Variants in MFHAS1 observed in about 807,000 individuals in gnomAD.
MFHAS1 encodes the protein malignant fibrous histiocytoma-amplified sequence 1.
A neutral mutation model predicts 70.4 loss-of-function variants in MFHAS1; 50 were observed. The ratio of observed to expected loss-of-function variants is 0.71; its 90% CI spans 0.57 to 0.90. The LOEUF is 0.90. Ranked by LOEUF, MFHAS1 falls within the 40% of genes least tolerant of loss-of-function variation. The pLI, the probability that MFHAS1 is intolerant of heterozygous loss-of-function variation, is 0.00. For missense variants in MFHAS1, 1,795 were observed against 1,347.6 expected (o/e 1.33, Z -5.20); for synonymous variants, 952 against 620.0 (o/e 1.54, Z -7.96).
At chr8:8,790,501 C>A (rs1256290255) in intron 2 of MFHAS1, 2 of 398,396 alleles carry the variant, frequency 5.0e-6, no homozygotes, top group Non-Finnish European at 6.8e-6. Flanking sequence ...TAAAGAAACA[C>A]AATTCCTCCT....
chr8:8,828,886 G>C (rs574002209), intron 1 of MFHAS1, among the ~76,000 whole-genome samples: 1 of 152,124 alleles, frequency 6.6e-6, no homozygotes, highest in Non-Finnish European at 1.5e-5. Context: ...CTCTTATCCC[G>C]CCCCTAGCTC....
At position 8,787,131 on chromosome 8, in the gene MFHAS1, A is replaced by T. The variant is rs189344035; in HGVS notation, c.3126-1076T>A. On this transcript the variant is annotated intron_variant, in intron 2 of 2. Coordinates refer to ENST00000276282, the MANE Select transcript of MFHAS1 (RefSeq NM_004225.3). ...AGTCTCGCTCTGTTGCCCAGGCTGG[A>T]GTGCAGTGGCGCAATCTCGGCTCAC... 3.0e-4 allele frequency among the ~76,000 whole-genome samples: 45 copies of T among 149,822 alleles called. No homozygotes were observed. The East Asian group carries it at 8.6e-3, about 29-fold the overall frequency.
At chr8:8,823,674 T>C (rs1045971600) in intron 1 of MFHAS1, among the ~76,000 whole-genome samples, 1 of 150,650 alleles carries the variant, frequency 6.6e-6, no homozygotes, top group Admixed American at 6.7e-5. Flanking sequence ...AGGCCACCAC[T>C]TCCCTAATTC....
chr8:8,847,800 T>A (rs1022307691), intron 1 of MFHAS1, among the ~76,000 whole-genome samples: 10 of 152,322 alleles, frequency 6.6e-5, no homozygotes, highest in East Asian at 1.9e-4. Context: ...AGACAGCAGG[T>A]GTTTAAAGTC....
At position 8,891,297 on chromosome 8, in the gene MFHAS1, A is replaced by G. The variant is rs181981017; in HGVS notation, c.1762T>C (p.Ser588Pro). 1 of 1,611,580 alleles carries G rather than the reference A, an allele frequency of 6.2e-7. No individual in the cohort carries two copies. The highest frequency in any genetic ancestry group is 1.7e-5 in the Admixed American group (1 of 60,024). Residue 588 changes from serine (S) to proline (P), a missense_variant, in exon 1 of 3, where the codon TCT (serine) becomes CCT (proline). By Grantham distance (74) the Ser-to-Pro change is moderately conservative (BLOSUM62 -1). Coordinates refer to ENST00000276282, the MANE Select transcript of MFHAS1 (RefSeq NM_004225.3). This position sits in a 1 kb window ranked among gnomAD's most constrained non-coding sequence, Gnocchi z 5.4. ...EALARDFELR[S>P]ASPHAAYYGV... is the part of the protein sequence containing the mutation. ...TAGTAGGCTGCGTGGGGGCTGGCAG[A>G]GCGCAGCTCGAAGTCCCGGGCCAGT...
chr8:8,816,794 A>G (rs117207044), intron 1 of MFHAS1, among the ~76,000 whole-genome samples: 4 of 152,350 alleles, frequency 2.6e-5, no homozygotes, highest in Non-Finnish European at 5.9e-5. Flanking sequence ...AAGGAGTAGC[A>G]ATAACATGGA....
At chr8:8,819,801 C>T (rs1048208950) in intron 1 of MFHAS1, among the ~76,000 whole-genome samples, 2 of 152,074 alleles carry the variant, frequency 1.3e-5, no homozygotes, top group Non-Finnish European at 2.9e-5. Context: ...CAGGCTCAAG[C>T]AATCCTTCTG....
chr8:8,842,175 AG>A (rs1277311744), intron 1 of MFHAS1, among the ~76,000 whole-genome samples: 1 of 151,472 alleles, frequency 6.6e-6, no homozygotes, highest in Admixed American at 6.6e-5. Flanking sequence ...GTAACTTCAC[AG>A]GTCTGATTTT....
chr8:8,797,028 G>T (rs1805927321), intron 2 of MFHAS1, among the ~76,000 whole-genome samples: 1 of 151,892 alleles, frequency 6.6e-6, no homozygotes, highest in South Asian at 2.1e-4. Context: ...GTTCTTTTTG[G>T]TTCCATATAC....
chr8:8,811,801 C>T (rs1006934261), intron 1 of MFHAS1, among the ~76,000 whole-genome samples: 1 of 152,212 alleles, frequency 6.6e-6, no homozygotes, highest in Admixed American at 6.5e-5. Flanking sequence ...GGCATAAACA[C>T]GGAGGTCTCT....
At chr8:8,809,414 G>C (rs749608476) in intron 1 of MFHAS1, among the ~76,000 whole-genome samples, 3 of 151,982 alleles carry the variant, frequency 2.0e-5, no homozygotes, top group Non-Finnish European at 4.4e-5. Flanking sequence ...GGCCCGACAT[G>C]TAAGTATGTC....
chr8:8,806,389 G>A (rs1409588593), intron 1 of MFHAS1, among the ~76,000 whole-genome samples: 1 of 152,228 alleles, frequency 6.6e-6, no homozygotes, highest in East Asian at 1.9e-4. Context: ...GCCAGCAAGT[G>A]AACCTGGCTT....
intron 1 of MFHAS1, among the ~76,000 whole-genome samples, chr8:8,878,099 C>T (rs1420926060): frequency 6.6e-6 from 1 of 152,152 alleles, no homozygotes; most frequent in Non-Finnish European, 1.5e-5. Flanking sequence ...CCCCTGATGG[C>T]GCTCTCCCCA....
chr8:8,885,317 T>G (rs916991975), intron 1 of MFHAS1, among the ~76,000 whole-genome samples: 1 of 152,304 alleles, frequency 6.6e-6, no homozygotes, highest in African/African-American at 2.4e-5. Flanking sequence ...AAAATGACCT[T>G]AAATAATTTG....
intron 1 of MFHAS1, among the ~76,000 whole-genome samples, chr8:8,813,738 G>C (rs1317870336): frequency 6.6e-6 from 1 of 152,102 alleles, no homozygotes; most frequent in Non-Finnish European, 1.5e-5. Context: ...AAAAGTTACA[G>C]TAAGCTAAGG....
intron 2 of MFHAS1, among the ~76,000 whole-genome samples, chr8:8,795,767 C>A (rs944347328): frequency 6.6e-6 from 1 of 152,226 alleles, no homozygotes; most frequent in African/African-American, 2.4e-5. Flanking sequence ...GCCTGTCACA[C>A]TGCCTGGAAT....
chr8:8,816,230 G>A (rs1343847735), intron 1 of MFHAS1, among the ~76,000 whole-genome samples: 1 of 152,120 alleles, frequency 6.6e-6, no homozygotes, highest in Non-Finnish European at 1.5e-5. Context: ...CTGGGGTGAC[G>A]ATTTTATGGG....
At chr8:8,795,908 T>C (rs1487770963) in intron 2 of MFHAS1, among the ~76,000 whole-genome samples, 1 of 152,106 alleles carries the variant, frequency 6.6e-6, no homozygotes, top group Non-Finnish European at 1.5e-5. Flanking sequence ...TGTGGCCAGC[T>C]AGGAAGAAAG....
Position 8,891,324 on chromosome 8 carries a change from C to T in MFHAS1, c.1735G>A (p.Ala579Thr), listed in dbSNP as rs375789070. The T allele has an allele frequency of 7.0e-5, 112 of 1,611,074 alleles. 1 individual carries two copies. The highest frequency in any genetic ancestry group is 3.5e-4 in the Admixed American group (21 of 60,004). ...LSRLAKVVDE[A>T]LARDFELRSA... ...CGCAGCTCGAAGTCCCGGGCCAGTG[C>T]CTCGTCCACCACCTTGGCCAAGCGG... The change falls in exon 1 of 3, where the codon GCA becomes ACA. Residue 579 changes from alanine (A) to threonine (T), a missense_variant. Physicochemically the swap from Ala to Thr is moderately conservative, Grantham distance 58. Coordinates refer to ENST00000276282, the MANE Select transcript of MFHAS1 (RefSeq NM_004225.3). This position sits in a 1 kb window ranked among gnomAD's most constrained non-coding sequence, Gnocchi z 5.4.
Sources: gnomAD v4.1 joint callset for allele counts (sites outside exome capture counted in the v4.1 genomes callset) on GRCh38, gnomAD v4.1.1 for gene constraint, Gnocchi (gnomAD v3.1) non-coding constraint, MANE v1.5 for transcripts, NCBI Gene and HGNC (gene_info 2026-07-23, HGNC 2026-07-21) for gene names.